The following RIPOR2 variants were observed in gnomAD, a reference collection of about 807,000 sequenced individuals.
The protein encoded by RIPOR2 is RHO family interacting cell polarization regulator 2, also known as rho family-interacting cell polarization regulator 2.
RIPOR2 carries 39 observed loss-of-function variants against 114.5 expected under a neutral mutation model. The ratio of observed to expected loss-of-function variants is 0.34; its 90% CI spans 0.26 to 0.44. RIPOR2 has a LOEUF of 0.44. Among genes scored for constraint, RIPOR2 ranks in the 20% least tolerant of loss-of-function variants. The pLI is 1.00. For synonymous variants in RIPOR2, 445 were observed against 484.4 expected (o/e 0.92, Z 1.07); for missense variants, 1,007 against 1,255.1 (o/e 0.80, Z 2.99).
At chr6:24,819,505 T>C (rs60776362) in intron 19 of RIPOR2, among the ~76,000 whole-genome samples, 46,390 of 151,280 alleles carry the variant, frequency 0.31, 8,043 homozygotes, top group East Asian at 0.68. Flanking sequence ...AATCTCTGCA[T>C]AAAAGTACAT....
chr6:24,941,945 T>G (rs1772153545), intron 1 of RIPOR2, among the ~76,000 whole-genome samples: 1 of 152,162 alleles, frequency 6.6e-6, no homozygotes, highest in South Asian at 2.1e-4. Context: ...GGAACAGTCT[T>G]CCATGTCTGT....
At chr6:25,006,959 A>G (rs1170398848) in intron 1 of RIPOR2, among the ~76,000 whole-genome samples, 1 of 152,166 alleles carries the variant, frequency 6.6e-6, no homozygotes, top group Non-Finnish European at 1.5e-5. Flanking sequence ...GTGGCTCTGG[A>G]ATGGAACGCT....
intron 3 of RIPOR2, 102 bp from the exon 4 acceptor site, chr6:24,873,061 C>G (rs1301770819): frequency 1.3e-6 from 1 of 783,232 alleles, no homozygotes; most frequent in Non-Finnish European, 2.2e-6. Flanking sequence ...AAGAATTGAA[C>G]CTTGCTCTGT....
At chr6:24,878,089 C>T (rs1052279879) in intron 1 of RIPOR2, among the ~76,000 whole-genome samples, 12 of 152,052 alleles carry the variant, frequency 7.9e-5, no homozygotes, top group African/African-American at 7.3e-5. Context: ...AGCAAGGAGA[C>T]GAAGAGAACC....
intron 2 of RIPOR2, 59 bp downstream of exon 2, chr6:24,875,632 A>G: frequency 6.4e-7 from 1 of 1,552,960 alleles, no homozygotes. Context: ...CCTCTTCACA[A>G]CATCAAAGTT....
intron 1 of RIPOR2, among the ~76,000 whole-genome samples, chr6:24,941,930 A>G (rs1453878206): frequency 6.6e-6 from 1 of 152,206 alleles, no homozygotes; most frequent in African/African-American, 2.4e-5. Context: ...TTAAGAAGAC[A>G]GAAAGGAACA....
intron 1 of RIPOR2, among the ~76,000 whole-genome samples, chr6:24,881,230 G>T (rs1766328815): frequency 6.6e-6 from 1 of 152,144 alleles, no homozygotes; most frequent in Non-Finnish European, 1.5e-5. Context: ...GGTGGCTGGG[G>T]CTTTGAAAAA....
At chr6:24,936,897 T>C (rs1276664532), upstream of RIPOR2, among the ~76,000 whole-genome samples, 1 of 152,206 alleles carries the variant, frequency 6.6e-6, no homozygotes, top group Non-Finnish European at 1.5e-5. Context: ...TGAGGAGCTG[T>C]TGACCCAAGG....
Position 24,873,746 on chromosome 6 carries a change from A to C in RIPOR2, c.242T>G (p.Leu81Arg). ...SSALKKPQAK[L>R]KKMHNLGHKN... ...GTGGCCTAAATTGTGCATTTTCTTC[A>C]GTTTGGCCTGAGGCTTCTTGAGAGC... Residue 81 changes from leucine to arginine, a missense_variant, in exon 3 of 22, where the codon CTG (leucine) becomes CGG (arginine). Coordinates refer to ENST00000643898, the MANE Select transcript of RIPOR2 (RefSeq NM_001286445.3). 6.2e-7 allele frequency: 1 copy of C among 1,613,492 alleles called. No individual in the cohort carries two copies. Among genetic ancestry groups the C allele is most frequent in the Non-Finnish European group, 8.5e-7 (1 of 1,179,742 alleles).
At chr6:24,884,136 C>T (rs1034593576) in intron 1 of RIPOR2, among the ~76,000 whole-genome samples, 5 of 152,108 alleles carry the variant, frequency 3.3e-5, no homozygotes, top group African/African-American at 9.7e-5. Context: ...AGGCCCGGCA[C>T]GGTGGCTCAC....
rs1429320976 is a variant in RIPOR2 at position 24,804,645 on chromosome 6, T to C, written c.*1728A>G. ...AGATATGTACACGATAAGTTCACAG[T>C]TGAAAGAACCATTTGCCAGAAGCCT... On this transcript the variant is annotated 3_prime_UTR_variant, in exon 22 of 22. Coordinates refer to ENST00000643898, the MANE Select transcript of RIPOR2 (RefSeq NM_001286445.3). 6.6e-6 allele frequency: 1 copy of C among 152,186 alleles called. No individual in the cohort carries two copies. Among genetic ancestry groups the C allele is most frequent in the Non-Finnish European group, 1.5e-5 (1 of 68,024 alleles). 9.4% of individuals were successfully genotyped at this position (152,186 alleles called of 1,614,324 possible).
At chr6:24,987,293 A>G (rs549813347) in intron 1 of RIPOR2, among the ~76,000 whole-genome samples, 1 of 152,204 alleles carries the variant, frequency 6.6e-6, no homozygotes, top group Admixed American at 6.5e-5. Flanking sequence ...TGTGACTTAC[A>G]TGCCAGCAAG....
chr6:24,837,234 C>A (rs939979758), intron 14 of RIPOR2, among the ~76,000 whole-genome samples: 1 of 152,062 alleles, frequency 6.6e-6, no homozygotes, highest in African/African-American at 2.4e-5. Context: ...GCCATTCTCC[C>A]ACCTCAGCCT....
chr6:24,867,775 C>G (rs1440726919), intron 6 of RIPOR2, among the ~76,000 whole-genome samples: 1 of 152,190 alleles, frequency 6.6e-6, no homozygotes, highest in Non-Finnish European at 1.5e-5. Context: ...TGTAGGCAAG[C>G]ATTTATCTTA....
chr6:24,832,602 C>T (rs1047832906), intron 15 of RIPOR2, among the ~76,000 whole-genome samples: 3 of 152,146 alleles, frequency 2.0e-5, no homozygotes, highest in East Asian at 3.8e-4. Context: ...TTCGTGTGTG[C>T]ATAAATTCTG....
intron 1 of RIPOR2, among the ~76,000 whole-genome samples, chr6:24,944,518 C>T (rs1420163863): frequency 5.9e-5 from 9 of 152,108 alleles, no homozygotes; most frequent in Non-Finnish European, 1.2e-4. Context: ...CCAGAGTTTC[C>T]ATATAATTTT....
In RIPOR2 at chr6:24,839,827, G is replaced by A. The variant is rs532690871; in HGVS notation, c.1858-555C>T. On this transcript the variant is annotated intron_variant, in intron 13 of 21. Transcript: ENST00000643898. Reference sequence around the variant, plus strand: ...ATGTCTTCGGTGTTTTACAAAAGGCGCTAGCTATCTAAGGCATCTGCTCTA... The same window carrying A: ...ATGTCTTCGGTGTTTTACAAAAGGCACTAGCTATCTAAGGCATCTGCTCTA... The A allele has an allele frequency of 1.5e-4, 195 of 1,306,288 alleles. No individual in the cohort carries two copies. In the South Asian group the frequency reaches 3.0e-3, roughly 20 times the overall value. The allele number at this position is 1,306,288 out of a possible 1,614,324, so 80.9% of individuals were successfully genotyped here.
intron 1 of RIPOR2, among the ~76,000 whole-genome samples, chr6:24,890,079 G>C (rs1370281353): frequency 6.6e-6 from 1 of 151,978 alleles, no homozygotes; most frequent in Admixed American, 6.6e-5. Flanking sequence ...ATTTTTAGTA[G>C]AGACAGGGTT....
chr6:24,925,633 C>T (rs981404539), intron 1 of RIPOR2, among the ~76,000 whole-genome samples: 2 of 151,700 alleles, frequency 1.3e-5, no homozygotes, highest in South Asian at 2.1e-4. Flanking sequence ...ACCCAGGAGG[C>T]GGAGGTTGCA....
Sources: gnomAD v4.1 joint callset for allele counts (sites outside exome capture counted in the v4.1 genomes callset) on GRCh38, gnomAD v4.1.1 for gene constraint, MANE v1.5 for transcripts, NCBI Gene and HGNC (gene_info 2026-07-23, HGNC 2026-07-21) for gene names.